Variants in RNF20 observed in about 807,000 individuals in gnomAD.
RNF20 encodes ring finger protein 20.
RNF20 carries 84 observed loss-of-function variants against 126.2 expected under a neutral mutation model. The ratio of observed to expected loss-of-function variants is 0.67; its 90% CI spans 0.56 to 0.80. The LOEUF is 0.80. RNF20 is among the 30% of genes least tolerant of loss of function. The pLI is 0.00. For synonymous variants in RNF20, 400 were observed against 414.3 expected, an observed-to-expected ratio of 0.97 and a Z score of 0.42; for missense variants, 869 against 1,188.2, an observed-to-expected ratio of 0.73 and a Z score of 3.95.
intron 2 of RNF20, among the ~76,000 whole-genome samples, chr9:101,537,623 A>T (rs1827203825): frequency 6.6e-6 from 1 of 152,220 alleles, no homozygotes; most frequent in South Asian, 2.1e-4. Context: ...CAATATTTTC[A>T]TGTCAAGGAA....
Position 101,539,253 on chromosome 9 carries a change from G to T in RNF20, c.130-950G>T, listed in dbSNP as rs148890328. On this transcript the variant is annotated intron_variant, in intron 2 of 19. Transcript: ENST00000389120. Reference sequence around the variant, plus strand: ...AAATTATAAAATCTGTTTAGGCTAAGAATTCATTTTGTAAAGGCACCGGTT... The same window carrying T: ...AAATTATAAAATCTGTTTAGGCTAATAATTCATTTTGTAAAGGCACCGGTT... 7.7e-4 allele frequency among the ~76,000 whole-genome samples: 117 copies of T among 152,296 alleles called. 1 individual carries two copies. In the East Asian group the frequency reaches 0.013, roughly 17 times the overall value.
intron 16 of RNF20, among the ~76,000 whole-genome samples, chr9:101,558,538 TC>T (rs1309055779): frequency 6.6e-6 from 1 of 152,168 alleles, no homozygotes; most frequent in Non-Finnish European, 1.5e-5. Flanking sequence ...GTAAAAGTGT[TC>T]CCTTTTCATC....
At position 101,562,543 on chromosome 9, in the gene RNF20, CT is replaced by C. The variant is rs1227614072; in HGVS notation, c.*122del. 2 of 911,816 alleles carry C rather than the reference CT, an allele frequency of 2.2e-6. No homozygotes were observed. Among genetic ancestry groups the C allele is most frequent in the Admixed American group, 5.9e-5 (2 of 34,134 alleles). The allele number at this position is 911,816 out of a possible 1,614,324, so 56.5% of individuals were successfully genotyped here. A position where few individuals can be genotyped will look rare whatever the true frequency, so the allele number is the denominator to read the frequency against. The stretch of plus-strand genomic sequence containing the variant: ...ACAGTTTATCAGTCAACTACCTTTC[CT>C]CCAGACTTTACTTCCAGGCTCTCCT... On this transcript the variant is annotated 3_prime_UTR_variant, in exon 20 of 20. Transcript: ENST00000389120.
In RNF20 at chr9:101,552,643, A is replaced by G. The variant is rs753151019; in HGVS notation, c.1791A>G (p.Leu597=). ...EKEREREKQK[L]KESEKERDSA... is the part of the protein sequence containing the mutation. ...AGAGAGAACGAGAGAAGCAGAAGCT[A>G]AAAGAGTCAGAAAAAGAGAGAGATT... Residue 597 remains leucine, a synonymous_variant, in exon 13 of 20, where the codon CTA becomes CTG. Transcript: ENST00000389120. 32 of 1,523,050 alleles carry G rather than the reference A, an allele frequency of 2.1e-5. No homozygotes were observed. In the Admixed American group the frequency reaches 2.8e-4, roughly 14 times the overall value. 94.3% of individuals were successfully genotyped at this position (1,523,050 alleles called of 1,614,324 possible).
At chr9:101,548,305 T>C (rs1032449151) in intron 9 of RNF20, among the ~76,000 whole-genome samples, 3 of 152,152 alleles carry the variant, frequency 2.0e-5, no homozygotes, top group African/African-American at 7.2e-5. Flanking sequence ...AAGCAGAGTG[T>C]AGAATGGTGG....
At chr9:101,553,678 ATC>A (rs1253557264) in intron 13 of RNF20, among the ~76,000 whole-genome samples, 1 of 152,014 alleles carries the variant, frequency 6.6e-6, no homozygotes, top group Non-Finnish European at 1.5e-5. Flanking sequence ...GACCTACTGA[ATC>A]TCAGTTACCC....
At chr9:101,552,809 A>C (rs1237210540) in intron 13 of RNF20, 56 bp downstream of exon 13, 1 of 1,485,848 alleles carries the variant, frequency 6.7e-7, no homozygotes, top group African/African-American at 1.4e-5. Flanking sequence ...TTAAGACATC[A>C]TGCATGAAAT....
At chr9:101,561,063 T>G (rs1428546124) in intron 17 of RNF20, 27 bp from the exon 18 acceptor site, 2 of 1,611,016 alleles carry the variant, frequency 1.2e-6, no homozygotes, top group African/African-American at 1.3e-5. Context: ...GATACAATGG[T>G]GTCACTTATT....
Position 101,557,492 on chromosome 9 carries a change from A to G in RNF20, c.2278A>G (p.Asn760Asp). The G allele has an allele frequency of 2.5e-6, 4 of 1,614,010 alleles. No individual in the cohort carries two copies. Among genetic ancestry groups the G allele is most frequent in the African/African-American group, 2.7e-5 (2 of 75,030 alleles). ...GCAATTGCGGGAGAAGGATGATGCA[A>G]ATTTCAAGCTCATGTCAGAGCGTAT... ...MQQLREKDDA[N>D]FKLMSERIKS... is the part of the protein sequence containing the mutation. Residue 760 changes from asparagine to aspartate, a missense_variant, in exon 16 of 20, where the codon AAT (asparagine) becomes GAT (aspartate). This residue lies in a region of RNF20 where 30 missense variants were observed against 75.2 expected (regional missense o/e 0.40). Coordinates refer to ENST00000389120, the MANE Select transcript of RNF20 (RefSeq NM_019592.7).
chr9:101,535,056 C>T (rs1032466393), intron 1 of RNF20, among the ~76,000 whole-genome samples: 110 of 151,758 alleles, frequency 7.2e-4, no homozygotes, highest in Non-Finnish European at 1.2e-3. Context: ...TACCGGCGCC[C>T]GCCACCACGC....
rs1256837727 is a variant in RNF20, at chr9:101,554,740, A to C, written c.2066A>C (p.Lys689Thr). The change falls in exon 15 of 20, where the codon AAG (lysine) becomes ACG (threonine). Residue 689 changes from lysine (K) to threonine (T), a missense_variant. Lys to Thr is a moderately conservative substitution (Grantham distance 78). Transcript: ENST00000389120. ...CTCAAGGATCTGGAAGATAAAGAGA[A>C]GAAAGAGAACAAGAAAATGGCTGAT... Reference protein sequence around the residue: ...QRLKDLEDKEKKENKKMADED... With the variant: ...QRLKDLEDKETKENKKMADED... 5 of 1,609,964 alleles carry C rather than the reference A, an allele frequency of 3.1e-6. No homozygotes were observed. In the East Asian group the frequency reaches 1.1e-4, roughly 36 times the overall value.
chr9:101,558,842 T>C (rs1827580238), intron 16 of RNF20, among the ~76,000 whole-genome samples: 1 of 152,170 alleles, frequency 6.6e-6, no homozygotes, highest in African/African-American at 2.4e-5. Context: ...TCTCCCACTC[T>C]ATGGGTTGTC....
intron 18 of RNF20, 108 bp downstream of exon 18, chr9:101,561,338 C>T (rs1472308712): frequency 5.8e-6 from 7 of 1,201,004 alleles, no homozygotes; most frequent in Non-Finnish European, 8.3e-6. Flanking sequence ...TCCTACTAGA[C>T]TTGAGGAAGT....
At position 101,557,484 on chromosome 9, in the gene RNF20, A is replaced by G; in HGVS notation, c.2270A>G (p.Asp757Gly). Residue 757 changes from aspartate to glycine, a missense_variant, in exon 16 of 20, where the codon GAT becomes GGT. Asp to Gly is a moderately conservative substitution (Grantham distance 94). Around this residue, in one of 8 missense-constraint regions of RNF20, gnomAD observed 30 missense variants for 75.2 expected, o/e 0.40. Coordinates refer to ENST00000389120, the MANE Select transcript of RNF20 (RefSeq NM_019592.7). ...TTGATGCAGCAATTGCGGGAGAAGGATGATGCAAATTTCAAGCTCATGTCA... is the reference window on the plus strand; with the variant it reads ...TTGATGCAGCAATTGCGGGAGAAGGGTGATGCAAATTTCAAGCTCATGTCA... ...IRLMQQLREK[D>G]DANFKLMSER... 6.2e-7 allele frequency: 1 copy of G among 1,614,050 alleles called. No homozygotes were observed. The highest frequency in any genetic ancestry group is 8.5e-7 in the Non-Finnish European group (1 of 1,179,940).
chr9:101,548,962 A>G lies in RNF20; in HGVS notation c.1092+1444A>G, dbSNP rs527975113. ...CAGTTTTTTGCTACCAAAACAGAGA[A>G]AGAAACACGATTGGTGATCCTGTTG... On this transcript the variant is annotated intron_variant, in intron 9 of 19. Coordinates refer to ENST00000389120, the MANE Select transcript of RNF20 (RefSeq NM_019592.7). 7.0e-4 allele frequency among the ~76,000 whole-genome samples: 106 copies of G among 152,350 alleles called. 1 individual carries two copies. Among genetic ancestry groups the G allele is most frequent in the African/African-American group, 2.4e-3 (98 of 41,578 alleles).
chr9:101,545,304 T>C (rs1827331086), intron 6 of RNF20, among the ~76,000 whole-genome samples: 1 of 152,252 alleles, frequency 6.6e-6, no homozygotes. Flanking sequence ...TGATGATCAT[T>C]TTGATTTAGT....
intron 7 of RNF20, 85 bp from the exon 8 acceptor site, chr9:101,547,052 A>G (rs1305274115): frequency 1.2e-6 from 2 of 1,602,196 alleles, no homozygotes; most frequent in Non-Finnish European, 1.7e-6. Context: ...GTATTTGAGG[A>G]AAAAATCTCA....
chr9:101,550,011 G>T (rs563253413), intron 9 of RNF20, among the ~76,000 whole-genome samples: 1 of 152,024 alleles, frequency 6.6e-6, no homozygotes, highest in Non-Finnish European at 1.5e-5. Flanking sequence ...GTGGCTTGCC[G>T]CCCACATCTT....
Position 101,543,679 on chromosome 9 carries a change from T to C in RNF20, c.629-1088T>C, listed in dbSNP as rs7027229. Among the ~76,000 whole-genome samples, 805 of 152,394 alleles carry C rather than the reference T, an allele frequency of 5.3e-3. 7 individuals are homozygous for C. Among genetic ancestry groups the C allele is most frequent in the Middle Eastern group, 0.031 (9 of 294 alleles). ...CTTTGATTCAAAAGAATTGCATTTA[T>C]GGGCTTGTTTATAAATTCACTAAAC... On this transcript the variant is annotated intron_variant, in intron 5 of 19. Transcript: ENST00000389120.
Sources: gnomAD v4.1 joint callset for allele counts (sites outside exome capture counted in the v4.1 genomes callset) on GRCh38, gnomAD v4.1.1 for gene constraint, gnomAD v4.1.1 regional missense constraint, MANE v1.5 for transcripts, NCBI Gene and HGNC (gene_info 2026-07-23, HGNC 2026-07-21) for gene names.